SDK1: variants seen among roughly 807,000 people sequenced by gnomAD.
The protein encoded by SDK1 is sidekick cell adhesion molecule 1, also known as protein sidekick-1.
A neutral mutation model predicts 245.5 loss-of-function variants in SDK1; 157 were observed. That is an observed-to-expected ratio of 0.64 (90% CI 0.56 to 0.73). SDK1 has a LOEUF of 0.73. Ranked by LOEUF, SDK1 falls within the 30% of genes least tolerant of loss-of-function variation. The probability of loss-of-function intolerance (pLI) is 0.00; values close to 1 mark genes in which losing one functional copy is unlikely to be tolerated. For missense variants in SDK1, 3,583 were observed against 3,002.3 expected (o/e 1.19, Z -4.52); for synonymous variants, 1,647 against 1,278.5 (o/e 1.29, Z -6.15).
Position 4,265,801 on chromosome 7 carries a change from C to G in SDK1, c.*417C>G, listed in dbSNP as rs1245987965. 1.0e-6 allele frequency: 1 copy of G among 1,004,584 alleles called. No individual in the cohort carries two copies. Among genetic ancestry groups the G allele is most frequent in the Non-Finnish European group, 1.2e-6 (1 of 844,214 alleles). The allele number at this position is 1,004,584 out of a possible 1,614,324, so 62.2% of individuals were successfully genotyped here. On this transcript the variant is annotated 3_prime_UTR_variant, in exon 45 of 45. Coordinates refer to ENST00000404826, the MANE Select transcript of SDK1 (RefSeq NM_152744.4). ...CCCGGCCGGCCCCCGTCTCTTTCTA[C>G]CTCCTCTTCCAGAGAACCAGCGGCT...
chr7:3,684,471 A>G (rs1161284212), intron 4 of SDK1, among the ~76,000 whole-genome samples: 1 of 152,230 alleles, frequency 6.6e-6, no homozygotes, highest in Non-Finnish European at 1.5e-5. Flanking sequence ...ATAAAGCTGA[A>G]CACACATACC....
intron 5 of SDK1, among the ~76,000 whole-genome samples, chr7:3,832,169 A>C (rs2115075247): frequency 6.6e-6 from 1 of 152,314 alleles, no homozygotes; most frequent in African/African-American, 2.4e-5. Flanking sequence ...TCAAAGCAAC[A>C]AGTTACTTTC....
chr7:3,307,242 T>TA lies in SDK1; in HGVS notation c.298+5365dup, dbSNP rs976831661. Reference sequence around the variant, plus strand: ...CCTAAGTATGTACACCTCTTTTTTTTAAAAAAAGGGCATAAACGTTCGTAG... The same window carrying TA: ...CCTAAGTATGTACACCTCTTTTTTTTAAAAAAAAGGGCATAAACGTTCGTAG... On this transcript the variant is annotated intron_variant, in intron 1 of 44. Transcript: ENST00000404826. Among the ~76,000 whole-genome samples the TA allele has an allele frequency of 1.2e-4, 18 of 152,064 alleles. No homozygotes were observed. In the South Asian group the frequency reaches 1.7e-3, roughly 14 times the overall value.
intron 1 of SDK1, among the ~76,000 whole-genome samples, chr7:3,463,636 C>G (rs916551358): frequency 1.3e-5 from 2 of 152,178 alleles, no homozygotes; most frequent in Non-Finnish European, 2.9e-5. Flanking sequence ...GGTGAGTTTT[C>G]TGTGCCTATT....
Position 4,267,620 on chromosome 7 carries a change from CA to C in SDK1, c.*2237del. ...TGTGCACTCTGATGACTGCTCTCTG[CA>C]GCCATGAGGATGTGGCTTTACATGC... On this transcript the variant is annotated 3_prime_UTR_variant, in exon 45 of 45. Coordinates refer to ENST00000404826, the MANE Select transcript of SDK1 (RefSeq NM_152744.4). 6 of 985,474 alleles carry C rather than the reference CA, an allele frequency of 6.1e-6. No individual in the cohort carries two copies. Among genetic ancestry groups the C allele is most frequent in the Non-Finnish European group, 7.2e-6 (6 of 829,928 alleles). 61.0% of individuals were successfully genotyped at this position (985,474 alleles called of 1,614,324 possible).
intron 35 of SDK1, among the ~76,000 whole-genome samples, chr7:4,194,427 TACGTATATAC>T (rs1445042385): frequency 0.071 from 8,476 of 119,178 alleles, 924 homozygotes; most frequent in Middle Eastern, 0.18. Flanking sequence ...TATACATGTA[TACGTATATAC>T]ATATATGTAT....
chr7:4,225,158 C>T (rs141352337), intron 40 of SDK1, among the ~76,000 whole-genome samples: 5 of 152,174 alleles, frequency 3.3e-5, no homozygotes, highest in African/African-American at 9.6e-5. Flanking sequence ...TTCTGGATCT[C>T]GACCGCATCC....
chr7:3,369,517 C>A (rs538917573), intron 1 of SDK1, among the ~76,000 whole-genome samples: 1 of 152,150 alleles, frequency 6.6e-6, no homozygotes, highest in Non-Finnish European at 1.5e-5. Context: ...ACAGAGTGTT[C>A]TGATCCAAGG....
intron 22 of SDK1, among the ~76,000 whole-genome samples, chr7:4,084,858 G>T (rs1781332974): frequency 6.6e-6 from 1 of 152,036 alleles, no homozygotes; most frequent in African/African-American, 2.4e-5. Context: ...CGCCTCCTGG[G>T]TTCAAGTGAT....
intron 5 of SDK1, among the ~76,000 whole-genome samples, chr7:3,900,724 C>T (rs1271150621): frequency 6.6e-6 from 1 of 151,842 alleles, no homozygotes; most frequent in Non-Finnish European, 1.5e-5. Context: ...AGTCCCCTCT[C>T]TCCCCCTCTC....
intron 28 of SDK1, 64 bp from the exon 29 acceptor site, chr7:4,145,658 A>G: frequency 6.9e-7 from 1 of 1,449,486 alleles, no homozygotes; most frequent in Non-Finnish European, 9.4e-7. Context: ...GGGTGTGGGC[A>G]CAGGGCTTCC....
intron 14 of SDK1, among the ~76,000 whole-genome samples, chr7:4,000,118 C>A (rs1428585312): frequency 2.0e-5 from 3 of 152,156 alleles, no homozygotes; most frequent in African/African-American, 7.2e-5. Context: ...GATGGGGTTT[C>A]CCTGGGAAGG....
intron 5 of SDK1, among the ~76,000 whole-genome samples, chr7:3,902,120 G>T (rs1166602291): frequency 6.6e-6 from 1 of 152,168 alleles, no homozygotes; most frequent in South Asian, 2.1e-4. Context: ...TACGAACCAA[G>T]ATCTGGCTGC....
chr7:3,460,657 A>G (rs1780806340), intron 1 of SDK1, among the ~76,000 whole-genome samples: 1 of 152,198 alleles, frequency 6.6e-6, no homozygotes, highest in African/African-American at 2.4e-5. Flanking sequence ...TCTATAAAAT[A>G]ATCGGAAAGG....
intron 4 of SDK1, among the ~76,000 whole-genome samples, chr7:3,704,699 TC>T (rs1403240211): frequency 6.6e-6 from 1 of 152,158 alleles, no homozygotes; most frequent in Non-Finnish European, 1.5e-5. Flanking sequence ...TTTAATTAGA[TC>T]CCATTTATTT....
intron 36 of SDK1, 140 bp downstream of exon 36, chr7:4,206,134 T>C (rs1784210789): frequency 4.9e-6 from 3 of 617,968 alleles, no homozygotes; most frequent in Non-Finnish European, 8.5e-6. Flanking sequence ...GGAGCTTGGC[T>C]AGACCTGGCC....
intron 1 of SDK1, among the ~76,000 whole-genome samples, chr7:3,515,599 CT>C (rs1782720930): frequency 6.6e-6 from 1 of 152,130 alleles, no homozygotes; most frequent in African/African-American, 2.4e-5. Context: ...TAGTAGACTT[CT>C]CTTATGCTCC....
At chr7:3,508,972 G>T (rs796480078) in intron 1 of SDK1, among the ~76,000 whole-genome samples, 15 of 152,310 alleles carry the variant, frequency 9.8e-5, no homozygotes, top group African/African-American at 3.4e-4. Context: ...TGTTTTAATA[G>T]AATGTTCTAG....
chr7:4,172,342 T>C (rs895228043), intron 32 of SDK1, among the ~76,000 whole-genome samples: 14 of 152,192 alleles, frequency 9.2e-5, no homozygotes, highest in African/African-American at 1.9e-4. Context: ...GCATGCTGCA[T>C]GCGTGAGTGT....
Sources: gnomAD v4.1 joint callset for allele counts (sites outside exome capture counted in the v4.1 genomes callset) on GRCh38, gnomAD v4.1.1 for gene constraint, MANE v1.5 for transcripts, NCBI Gene and HGNC (gene_info 2026-07-23, HGNC 2026-07-21) for gene names.